Variants in AIG1 observed in about 807,000 individuals in gnomAD.
The protein encoded by AIG1 is androgen induced 1.
A neutral mutation model predicts 31.4 loss-of-function variants in AIG1; 23 were observed. That is an observed-to-expected ratio of 0.73 (90% CI 0.53 to 1.04). The LOEUF (loss-of-function observed/expected upper bound fraction) is 1.04, where lower values mean the gene tolerates loss of function less well. Among genes scored for constraint, AIG1 ranks in the 50% least tolerant of loss-of-function variants. The pLI, the probability that AIG1 is intolerant of heterozygous loss-of-function variation, is 0.00. For missense variants in AIG1, 274 were observed against 295.0 expected, an observed-to-expected ratio of 0.93 and a Z score of 0.52; for synonymous variants, 100 against 110.5, an observed-to-expected ratio of 0.90 and a Z score of 0.60.
intron 4 of AIG1, among the ~76,000 whole-genome samples, chr6:143,306,383 T>G (rs2128703058): frequency 6.6e-6 from 1 of 152,244 alleles, no homozygotes; most frequent in Non-Finnish European, 1.5e-5. Context: ...CTTTCCATGT[T>G]TAGTGCTTCC....
At chr6:143,094,910 T>C (rs991937760) in intron 1 of AIG1, among the ~76,000 whole-genome samples, 1 of 152,100 alleles carries the variant, frequency 6.6e-6, no homozygotes, top group Non-Finnish European at 1.5e-5. Context: ...TTGAAAAAGG[T>C]GTAGTCTCAG....
In AIG1 at chr6:143,267,655, C is replaced by A. The variant is rs1193283206; in HGVS notation, c.400-16455C>A. Reference sequence around the variant, plus strand: ...CTCATCTTGGTTCCTTCTTCAGTGGCTACCAGATATCATAGACTTATGACT... The same window carrying A: ...CTCATCTTGGTTCCTTCTTCAGTGGATACCAGATATCATAGACTTATGACT... On this transcript the variant is annotated intron_variant, in intron 3 of 5. Coordinates refer to ENST00000357847, the MANE Select transcript of AIG1 (RefSeq NM_016108.4). Among the ~76,000 whole-genome samples, 3 of 152,274 alleles carry A rather than the reference C, an allele frequency of 2.0e-5. No individual in the cohort carries two copies. In the East Asian group the frequency reaches 5.8e-4, roughly 29 times the overall value.
intron 4 of AIG1, among the ~76,000 whole-genome samples, chr6:143,286,620 C>T (rs143756105): frequency 3.2e-4 from 49 of 152,198 alleles, no homozygotes; most frequent in African/African-American, 1.1e-3. Flanking sequence ...GCCAAAGGTT[C>T]GGGATATGAA....
intron 3 of AIG1, among the ~76,000 whole-genome samples, chr6:143,213,135 A>T (rs912512470): frequency 6.6e-6 from 1 of 152,214 alleles, no homozygotes; most frequent in South Asian, 2.1e-4. Context: ...TTACAGAGAA[A>T]GTGGAAATCG....
intron 3 of AIG1, chr6:143,190,477 A>G (rs1399074411): frequency 1.0e-6 from 1 of 985,236 alleles, no homozygotes; most frequent in African/African-American, 1.7e-5. Context: ...ATTTAGTCTG[A>G]TCAGACAATA....
chr6:143,068,819 T>C (rs1270521028), intron 1 of AIG1, among the ~76,000 whole-genome samples: 4 of 152,212 alleles, frequency 2.6e-5, no homozygotes, highest in African/African-American at 9.7e-5. Context: ...TTCATACGTA[T>C]GTAGTCAGAT....
intron 1 of AIG1, among the ~76,000 whole-genome samples, chr6:143,069,073 G>A (rs1777000967): frequency 6.6e-6 from 1 of 150,976 alleles, no homozygotes; most frequent in South Asian, 2.1e-4. Flanking sequence ...AGAGTGCACT[G>A]GCGTGATCTC....
At chr6:143,171,645 G>A (rs952581427) in intron 3 of AIG1, among the ~76,000 whole-genome samples, 13 of 149,622 alleles carry the variant, frequency 8.7e-5, no homozygotes, top group African/African-American at 3.0e-4. Context: ...AAACATGCAT[G>A]TGCAAGTATC....
intron 3 of AIG1, among the ~76,000 whole-genome samples, chr6:143,264,639 G>T (rs1796029585): frequency 6.6e-6 from 1 of 152,178 alleles, no homozygotes. Flanking sequence ...AGACTCCCCA[G>T]TTGGAAATTG....
intron 2 of AIG1, among the ~76,000 whole-genome samples, chr6:143,147,925 G>A (rs942427791): frequency 2.0e-5 from 3 of 152,096 alleles, no homozygotes; most frequent in African/African-American, 7.2e-5. Context: ...ATACTGGAAC[G>A]ATTTATTTAA....
intron 2 of AIG1, among the ~76,000 whole-genome samples, chr6:143,144,293 G>A (rs1784535302): frequency 6.6e-6 from 1 of 152,202 alleles, no homozygotes; most frequent in African/African-American, 2.4e-5. Context: ...GGACCATGGA[G>A]CCTACTGTGT....
intron 2 of AIG1, among the ~76,000 whole-genome samples, chr6:143,144,370 C>T (rs1419113276): frequency 1.3e-5 from 2 of 152,186 alleles, no homozygotes; most frequent in Admixed American, 6.5e-5. Context: ...TCAAAGGTTT[C>T]ACAGCCTAGG....
chr6:143,077,527 C>T (rs1227161303), intron 1 of AIG1, among the ~76,000 whole-genome samples: 10 of 152,144 alleles, frequency 6.6e-5, no homozygotes, highest in African/African-American at 2.4e-5. Context: ...GTCATCTAGC[C>T]TGTGTGATTT....
chr6:143,202,141 T>G (rs541497961), intron 3 of AIG1, among the ~76,000 whole-genome samples: 118 of 152,344 alleles, frequency 7.7e-4, no homozygotes, highest in African/African-American at 2.8e-3. Flanking sequence ...TCTGGATTTC[T>G]TCTTCCTCTC....
At chr6:143,088,650 T>A (rs973520765) in intron 1 of AIG1, among the ~76,000 whole-genome samples, 1 of 152,216 alleles carries the variant, frequency 6.6e-6, no homozygotes, top group Non-Finnish European at 1.5e-5. Context: ...AAAGACCTCA[T>A]GTTTCCTGTT....
chr6:143,303,305 C>T (rs1036550772), intron 4 of AIG1, among the ~76,000 whole-genome samples: 1 of 151,562 alleles, frequency 6.6e-6, no homozygotes, highest in African/African-American at 2.4e-5. Flanking sequence ...TTGCCCATGC[C>T]TATGTCCTGA....
chr6:143,223,511 G>A (rs1792691449), intron 3 of AIG1, among the ~76,000 whole-genome samples: 1 of 152,018 alleles, frequency 6.6e-6, no homozygotes, highest in Admixed American at 6.6e-5. Flanking sequence ...GAAATTTGGA[G>A]GTGTTGCTTT....
rs985756338 is a variant in AIG1 at position 143,298,861 on chromosome 6, A to C, written c.515+14636A>C. 5 of 152,362 alleles carry C rather than the reference A, an allele frequency of 3.3e-5. No homozygotes were observed. The highest frequency in any genetic ancestry group is 3.3e-4 in the Admixed American group (5 of 15,306). 9.4% of individuals were successfully genotyped at this position (152,362 alleles called of 1,614,324 possible). A position where few individuals can be genotyped will look rare whatever the true frequency, so the allele number is the denominator to read the frequency against. ...GACAGTCGCTAGCCACAGTATGTGC[A>C]CTCAGAAGAAGGGAAATCTTAATTT... On this transcript the variant is annotated intron_variant, in intron 4 of 5. Coordinates refer to ENST00000357847, the MANE Select transcript of AIG1 (RefSeq NM_016108.4). The surrounding 1 kb of genome is among the most constrained non-coding windows in gnomAD (Gnocchi z 5.1).
At chr6:143,154,405 G>A (rs1200677429) in intron 2 of AIG1, among the ~76,000 whole-genome samples, 1 of 152,040 alleles carries the variant, frequency 6.6e-6, no homozygotes, top group East Asian at 1.9e-4. Context: ...TAGTGATGAA[G>A]AACAAATCAA....
Sources: allele counts gnomAD v4.1 joint callset (sites outside exome capture counted in the v4.1 genomes callset), GRCh38; gene constraint gnomAD v4.1.1; non-coding constraint Gnocchi (gnomAD v3.1); transcripts MANE v1.5; gene names NCBI Gene and HGNC (gene_info 2026-07-23, HGNC 2026-07-21).